The following PRDM16 variants were observed in gnomAD, a reference collection of about 807,000 sequenced individuals.
PRDM16 encodes PR/SET domain 16, also known as histone-lysine N-methyltransferase PRDM16.
PRDM16 carries 23 observed loss-of-function variants against 110.6 expected under a neutral mutation model. That is an observed-to-expected ratio of 0.21 (90% CI 0.15 to 0.29). PRDM16 has a LOEUF of 0.29. PRDM16 is among the 10% of genes least tolerant of loss of function. The pLI is 1.00. For synonymous variants in PRDM16, 799 were observed against 781.8 expected, an observed-to-expected ratio of 1.02 and a Z score of -0.37; for missense variants, 1,615 against 1,794.3, an observed-to-expected ratio of 0.90 and a Z score of 1.81.
rs116716061 is a variant in PRDM16, at chr1:3,364,957, A to G, written c.439-20195A>G. 7.7e-3 allele frequency among the ~76,000 whole-genome samples: 1,168 copies of G among 152,282 alleles called. 16 individuals are homozygous for G. Among genetic ancestry groups the G allele is most frequent in the African/African-American group, 0.027 (1,103 of 41,586 alleles). On this transcript the variant is annotated intron_variant, in intron 3 of 16. Transcript: ENST00000270722. ...TACGCCGTCCCTCATTCCCTCGTGCAGCCTGGGAAAGCCTTACCCAGTGCT... is the reference window on the plus strand; with the variant it reads ...TACGCCGTCCCTCATTCCCTCGTGCGGCCTGGGAAAGCCTTACCCAGTGCT...
At chr1:3,106,770 C>T (rs1373303012) in intron 1 of PRDM16, among the ~76,000 whole-genome samples, 4 of 152,236 alleles carry the variant, frequency 2.6e-5, no homozygotes, top group South Asian at 2.1e-4. Context: ...CTGGTATCAG[C>T]GAGGCAGTGC....
intron 1 of PRDM16, among the ~76,000 whole-genome samples, chr1:3,115,956 T>C (rs956529510): frequency 2.0e-5 from 3 of 152,074 alleles, no homozygotes; most frequent in Admixed American, 2.0e-4. Context: ...ATCTAGGCTG[T>C]CCATGCCCCA....
At chr1:3,326,853 C>T (rs1409414750) in intron 3 of PRDM16, among the ~76,000 whole-genome samples, 1 of 152,220 alleles carries the variant, frequency 6.6e-6, no homozygotes, top group Non-Finnish European at 1.5e-5. Flanking sequence ...AGGTGGGCTC[C>T]TGCCCCCACT....
intron 3 of PRDM16, among the ~76,000 whole-genome samples, chr1:3,325,330 G>A (rs1355136417): frequency 6.6e-5 from 10 of 152,364 alleles, no homozygotes; most frequent in African/African-American, 2.4e-4. Flanking sequence ...CAGCTGCAGA[G>A]AGCCAGCTCA....
At chr1:3,283,719 G>A (rs56004439) in intron 3 of PRDM16, among the ~76,000 whole-genome samples, 6,936 of 152,118 alleles carry the variant, frequency 0.046, 185 homozygotes, top group African/African-American at 0.072. Flanking sequence ...GAAGAGAGAC[G>A]GGGCGGTCAG....
chr1:3,138,227 A>T (rs1006877816), intron 1 of PRDM16, among the ~76,000 whole-genome samples: 7 of 152,090 alleles, frequency 4.6e-5, no homozygotes, highest in Admixed American at 1.3e-4. Flanking sequence ...CAGCGCAACC[A>T]CGGGGTGTGG....
At chr1:3,224,828 C>T (rs1246032290) in intron 2 of PRDM16, among the ~76,000 whole-genome samples, 1 of 152,244 alleles carries the variant, frequency 6.6e-6, no homozygotes, top group Non-Finnish European at 1.5e-5. Context: ...TGAGCTGCTC[C>T]AGGCAAGAGC....
chr1:3,198,019 C>A (rs934054618), intron 2 of PRDM16, among the ~76,000 whole-genome samples: 1 of 152,212 alleles, frequency 6.6e-6, no homozygotes, highest in African/African-American at 2.4e-5. Context: ...TGCTACGGGC[C>A]ACCTTGGCCT....
At chr1:3,248,423 C>T (rs916981005) in intron 3 of PRDM16, among the ~76,000 whole-genome samples, 3 of 152,152 alleles carry the variant, frequency 2.0e-5, no homozygotes, top group African/African-American at 7.2e-5. Context: ...TTTCTCTTCC[C>T]CTCCGCTTCT....
intron 1 of PRDM16, among the ~76,000 whole-genome samples, chr1:3,147,340 C>CCTGG (rs146669229): frequency 0.026 from 3,945 of 152,070 alleles, 186 homozygotes; most frequent in African/African-American, 0.09. Context: ...CGTGGGTGCA[C>CCTGG]CTGGGCCTGT....
rs1281955899 is a variant in PRDM16 at position 3,181,540 on chromosome 1, GGTCTTACACACGCAGTCTTACACACGCA to G, written c.38-4572_38-4545del. Among the ~76,000 whole-genome samples the G allele has an allele frequency of 3.3e-4, 12 of 36,490 alleles. 1 individual carries two copies. Among genetic ancestry groups the G allele is most frequent in the African/African-American group, 4.4e-4 (4 of 9,010 alleles). The allele number at this position is 36,490 out of a possible 152,430, so 23.9% of individuals were successfully genotyped here. A position where few individuals can be genotyped will look rare whatever the true frequency, so the allele number is the denominator to read the frequency against. On this transcript the variant is annotated intron_variant, in intron 1 of 16. Transcript: ENST00000270722. Reference sequence around the variant, plus strand: ...GTCTTACACAAGCGGTCTTACACACGGTCTTACACACGCAGTCTTACACACGCAGTCTTACACACGGTCTTACATATGG... The same window carrying G: ...GTCTTACACAAGCGGTCTTACACACGGTCTTACACACGGTCTTACATATGG...
intron 1 of PRDM16, among the ~76,000 whole-genome samples, chr1:3,113,551 C>T (rs563962310): frequency 7.2e-5 from 11 of 152,276 alleles, no homozygotes; most frequent in African/African-American, 1.9e-4. Flanking sequence ...CCTGAGCCAG[C>T]GGGAGGGGCC....
intron 3 of PRDM16, among the ~76,000 whole-genome samples, chr1:3,333,543 G>T (rs1167136737): frequency 5.9e-5 from 9 of 152,204 alleles, no homozygotes; most frequent in Non-Finnish European, 1.2e-4. Flanking sequence ...GGAAAGATCT[G>T]CCCCTTTGAT....
At chr1:3,268,793 G>A (rs994619175) in intron 3 of PRDM16, among the ~76,000 whole-genome samples, 8 of 152,196 alleles carry the variant, frequency 5.3e-5, no homozygotes, top group Non-Finnish European at 4.4e-5. Flanking sequence ...TATTCGAGGA[G>A]GGCAGCCGTG....
At chr1:3,398,575 G>A (rs1643420994) in intron 5 of PRDM16, among the ~76,000 whole-genome samples, 1 of 152,188 alleles carries the variant, frequency 6.6e-6, no homozygotes, top group African/African-American at 2.4e-5. Flanking sequence ...TTTGAGCCTC[G>A]AGTCTGGTAG....
intron 3 of PRDM16, among the ~76,000 whole-genome samples, chr1:3,320,280 G>A (rs114483317): frequency 0.012 from 1,871 of 152,326 alleles, 29 homozygotes; most frequent in Non-Finnish European, 0.021. Context: ...TCACTGTGAC[G>A]CATTGGGATT....
chr1:3,368,126 T>C (rs1209616475), intron 3 of PRDM16, among the ~76,000 whole-genome samples: 1 of 151,796 alleles, frequency 6.6e-6, no homozygotes, highest in Non-Finnish European at 1.5e-5. Flanking sequence ...GGGGAGGAGG[T>C]GAGGGCAACC....
At chr1:3,079,317 C>T (rs1417579804) in intron 1 of PRDM16, among the ~76,000 whole-genome samples, 5 of 152,298 alleles carry the variant, frequency 3.3e-5, no homozygotes, top group South Asian at 2.1e-4. Context: ...CTGTCCCACG[C>T]GCTGCCTGGC....
At chr1:3,087,171 G>T (rs947279419) in intron 1 of PRDM16, among the ~76,000 whole-genome samples, 2 of 148,454 alleles carry the variant, frequency 1.3e-5, no homozygotes, top group Non-Finnish European at 3.0e-5. Context: ...GTGCTGGTCA[G>T]CCCCACCCGA....
Sources: gnomAD v4.1 joint callset for allele counts (sites outside exome capture counted in the v4.1 genomes callset) on GRCh38, gnomAD v4.1.1 for gene constraint, MANE v1.5 for transcripts, NCBI Gene and HGNC (gene_info 2026-07-23, HGNC 2026-07-21) for gene names.